NEB: variants seen among roughly 807,000 people sequenced by gnomAD.
NEB encodes the protein nemaline myopathy type 2.
NEB carries 512 observed loss-of-function variants against 952.2 expected under a neutral mutation model. The observed-to-expected ratio is 0.54, with a 90% CI of 0.50 to 0.58. The LOEUF is 0.58. Among genes scored for constraint, NEB ranks in the 20% least tolerant of loss-of-function variants. The pLI is 0.00. For missense variants in NEB, 8,428 were observed against 9,231.1 expected (o/e 0.91, Z 3.56); for synonymous variants, 2,900 against 3,149.8 (o/e 0.92, Z 2.66).
At chr2:151,635,763 G>A (rs924758201) in intron 64 of NEB, among the ~76,000 whole-genome samples, 1 of 150,766 alleles carries the variant, frequency 6.6e-6, no homozygotes, top group Middle Eastern at 3.5e-3. Flanking sequence ...CTCTGGTACT[G>A]ATCAACTGCC....
chr2:151,733,276 T>C, intron 2 of NEB, 91 bp from the exon 3 acceptor site: 1 of 925,054 alleles, frequency 1.1e-6, no homozygotes, highest in Non-Finnish European at 1.6e-6. Flanking sequence ...AATTTGAAGC[T>C]AAACTATTGT....
At position 151,576,304 on chromosome 2, in the gene NEB, G is replaced by C. The variant is rs1293468743; in HGVS notation, c.16755C>G (p.Pro5585=). Residue 5585 remains proline, a synonymous_variant, in exon 106 of 182, where the codon CCC becomes CCG. Transcript: ENST00000397345. ...LEWLRGIGWM[P]QGSPEVLRVK... is the part of the protein sequence containing the mutation. Reference sequence around the variant, plus strand: ...CTCTCAACACTTCAGGAGACCCTTGGGGCATCCAGCCAATGCCACGCAACC... The same window carrying C: ...CTCTCAACACTTCAGGAGACCCTTGCGGCATCCAGCCAATGCCACGCAACC... 2 of 1,609,754 alleles carry C rather than the reference G, an allele frequency of 1.2e-6. No individual in the cohort carries two copies. The highest frequency in any genetic ancestry group is 2.2e-5 in the East Asian group (1 of 44,824).
At chr2:151,661,437 A>T (rs976590085) in intron 46 of NEB, among the ~76,000 whole-genome samples, 13 of 152,296 alleles carry the variant, frequency 8.5e-5, no homozygotes, top group African/African-American at 3.1e-4. Context: ...ATTTTCTGCA[A>T]CTGTTTCACG....
intron 71 of NEB, 86 bp from the exon 72 acceptor site, chr2:151,621,112 ATGCAAAACTACATGAGTATGTTCAGCCTT>A: frequency 7.5e-6 from 7 of 928,120 alleles, no homozygotes; most frequent in Non-Finnish European, 1.0e-5. Context: ...CCACTTTTGG[ATGCAAAACTACATGAGTATGTTCAGCCTT>A]AAATCAGAAA....
chr2:151,728,589 C>A (rs895896863), intron 4 of NEB, among the ~76,000 whole-genome samples: 1 of 152,086 alleles, frequency 6.6e-6, no homozygotes, highest in African/African-American at 2.4e-5. Flanking sequence ...TCACAACAGT[C>A]CTATCTACGT....
chr2:151,563,686 C>T lies in NEB; in HGVS notation c.18613G>A (p.Gly6205Ser), dbSNP rs1292580496. 5 of 1,613,732 alleles carry T rather than the reference C, an allele frequency of 3.1e-6. No homozygotes were observed. The highest frequency in any genetic ancestry group is 2.7e-5 in the African/African-American group (2 of 74,906). Reference protein sequence around the residue: ...KYKETYEKQKGHYLAGKVIGE... With the variant: ...KYKETYEKQKSHYLAGKVIGE... ...ATCACTTTTCCAGCCAGGTAGTGACCTTTCTGCTTCTCATATGTCTCTTTG... is the reference window on the plus strand; with the variant it reads ...ATCACTTTTCCAGCCAGGTAGTGACTTTTCTGCTTCTCATATGTCTCTTTG... The change falls in exon 119 of 182, where the codon GGT (glycine) becomes AGT (serine). Residue 6205 changes from glycine to serine, a missense_variant. Coordinates refer to ENST00000397345, the MANE Select transcript of NEB (RefSeq NM_001164508.2).
intron 139 of NEB, 69 bp from the exon 140 acceptor site, chr2:151,538,045 G>T: frequency 6.6e-7 from 1 of 1,516,502 alleles, no homozygotes; most frequent in Non-Finnish European, 9.1e-7. Flanking sequence ...CTTCTTTCTG[G>T]AGAATTTCAG....
chr2:151,662,788 A>G (rs1010546254), intron 45 of NEB, among the ~76,000 whole-genome samples: 1 of 152,156 alleles, frequency 6.6e-6, no homozygotes, highest in Non-Finnish European at 1.5e-5. Flanking sequence ...CACCACCATT[A>G]CAATTCCCTC....
intron 66 of NEB, 136 bp from the exon 67 acceptor site, chr2:151,630,955 G>T: frequency 8.8e-7 from 1 of 1,137,860 alleles, no homozygotes; most frequent in Non-Finnish European, 1.2e-6. Context: ...CTGGAAGTGT[G>T]AGTCTTATTA....
Position 151,684,786 on chromosome 2 carries a change from G to A in NEB, c.2827C>T (p.Gln943Ter). 1 of 1,598,904 alleles carries A rather than the reference G, an allele frequency of 6.3e-7. No individual in the cohort carries two copies. The highest frequency in any genetic ancestry group is 8.5e-7 in the Non-Finnish European group (1 of 1,171,618). ...VDLAKKAYAL[Q>*]SDVEYKADYN... ...AAACCCTGGTTACTCACATCGCTCTGCAGCGCATATGCCTTCTTGGCAAGG... is the reference window on the plus strand; with the variant it reads ...AAACCCTGGTTACTCACATCGCTCTACAGCGCATATGCCTTCTTGGCAAGG... Residue 943 changes from glutamine (Q) to a stop codon, truncating the protein, a stop_gained, in exon 28 of 182, where the codon CAG (glutamine) becomes TAG (stop). Coordinates refer to ENST00000397345, the MANE Select transcript of NEB (RefSeq NM_001164508.2). LOFTEE classifies it high-confidence loss of function.
At position 151,493,866 on chromosome 2, in the gene NEB, A is replaced by T. The variant is rs2058367552; in HGVS notation, c.24581T>A (p.Val8194Glu). 1 of 1,539,592 alleles carries T rather than the reference A, an allele frequency of 6.5e-7. No homozygotes were observed. The change falls in exon 175 of 182, where the codon GTG becomes GAG. Residue 8194 changes from valine (V) to glutamate (E), a missense_variant and splice_region_variant. Val to Glu is a moderately radical substitution (Grantham distance 121). Coordinates refer to ENST00000397345, the MANE Select transcript of NEB (RefSeq NM_001164508.2). ...VKRNQENISS[V>E]LYKENLGKAT... ...TTTCCCCAGGTTCTCTTTGTATAAC[A>T]CCTGTGAGATACAAAGTCATGCCCG...
chr2:151,667,705 T>A lies in NEB; in HGVS notation c.4719+99A>T, dbSNP rs747602429. The A allele has an allele frequency of 4.4e-4, 356 of 811,062 alleles. 1 individual carries two copies. Among genetic ancestry groups the A allele is most frequent in the Non-Finnish European group, 5.8e-4 (308 of 534,250 alleles). The allele number at this position is 811,062 out of a possible 1,614,324, so 50.2% of individuals were successfully genotyped here. A position where few individuals can be genotyped will look rare whatever the true frequency, so the allele number is the denominator to read the frequency against. Reference sequence around the variant, plus strand: ...ACCACATCTGGCTAATTTTTTTTTTTATTTCTGTAGAGACAGGGTCTTGCT... The same window carrying A: ...ACCACATCTGGCTAATTTTTTTTTTAATTTCTGTAGAGACAGGGTCTTGCT... On this transcript the variant is annotated intron_variant, in intron 40 of 181. Transcript: ENST00000397345.
chr2:151,514,242 C>CT (rs1559427035), intron 159 of NEB, 76 bp downstream of exon 159: 2 of 1,030,638 alleles, frequency 1.9e-6, no homozygotes, highest in African/African-American at 3.2e-5. Context: ...TTTTGTTTTG[C>CT]TTTTTCTGGT....
At chr2:151,578,870 T>C (rs914947768) in intron 105 of NEB, among the ~76,000 whole-genome samples, 2 of 151,852 alleles carry the variant, frequency 1.3e-5, no homozygotes, top group African/African-American at 4.8e-5. Context: ...TCACCTGCGG[T>C]CAGGAGTTCA....
In NEB at chr2:151,678,184, G is replaced by A; in HGVS notation, c.3259C>T (p.Gln1087Ter). The change falls in exon 33 of 182, where the codon CAG becomes TAG. Residue 1087 changes from glutamine (Q) to a stop codon, truncating the protein, a stop_gained. Coordinates refer to ENST00000397345, the MANE Select transcript of NEB (RefSeq NM_001164508.2). LOFTEE classifies it high-confidence loss of function. Reference protein sequence around the residue: ...KAARQAASDVQYKKDYEKAKG... With the variant: ...KAARQAASDV ...GCCTTTTCATAGTCTTTTTTGTACT[G>A]AACCTATTGTAAACAAAGGTGGGCA... 1 of 1,582,368 alleles carries A rather than the reference G, an allele frequency of 6.3e-7. No homozygotes were observed. Among genetic ancestry groups the A allele is most frequent in the East Asian group, 2.2e-5 (1 of 44,526 alleles).
chr2:151,540,041 C>G (rs1454154778), intron 138 of NEB, among the ~76,000 whole-genome samples: 1 of 152,082 alleles, frequency 6.6e-6, no homozygotes, highest in Non-Finnish European at 1.5e-5. Flanking sequence ...ACTGCAAGAC[C>G]ATAATTTTAT....
In NEB at chr2:151,665,519, G is replaced by A. The variant is rs755060324; in HGVS notation, c.5052C>T (p.Phe1684=). ...IQSDNLYKSD[F]TNWMKGIGWV... ...AGCCGATCCCTTTCATCCAATTGGTGAAGTCAGATTTGTACAGATTCTTTA... is the reference window on the plus strand; with the variant it reads ...AGCCGATCCCTTTCATCCAATTGGTAAAGTCAGATTTGTACAGATTCTTTA... The change falls in exon 42 of 182, where the codon TTC becomes TTT. Residue 1684 remains phenylalanine, a synonymous_variant. Transcript: ENST00000397345. 3.7e-6 allele frequency: 6 copies of A among 1,607,506 alleles called. No homozygotes were observed. Among genetic ancestry groups the A allele is most frequent in the Non-Finnish European group, 5.1e-6 (6 of 1,176,868 alleles).
chr2:151,624,926 C>T (rs928584206), intron 71 of NEB, among the ~76,000 whole-genome samples: 1 of 152,124 alleles, frequency 6.6e-6, no homozygotes, highest in Non-Finnish European at 1.5e-5. Flanking sequence ...TTATTGTTCT[C>T]AGGCAATTTG....
intron 58 of NEB, 107 bp downstream of exon 58, chr2:151,643,043 G>A (rs1397228558): frequency 6.2e-6 from 8 of 1,294,930 alleles, no homozygotes; most frequent in South Asian, 4.2e-5. Context: ...AACCACATTA[G>A]TACCAAGCAA....
Sources: gnomAD v4.1 joint callset for allele counts (sites outside exome capture counted in the v4.1 genomes callset) on GRCh38, gnomAD v4.1.1 for gene constraint, MANE v1.5 for transcripts, NCBI Gene and HGNC (gene_info 2026-07-23, HGNC 2026-07-21) for gene names.